The following TMPRSS15 variants were observed in gnomAD, a reference collection of about 807,000 sequenced individuals.
TMPRSS15 encodes the protein enteropeptidase.
Under a neutral mutation model 125.3 loss-of-function variants are expected in TMPRSS15, and 128 were observed. The ratio of observed to expected loss-of-function variants is 1.02; its 90% CI spans 0.89 to 1.18. The LOEUF (loss-of-function observed/expected upper bound fraction) is 1.18. Ranked by LOEUF, TMPRSS15 falls within the 50% of genes most tolerant of loss-of-function variation. The pLI, the probability that TMPRSS15 is intolerant of heterozygous loss-of-function variation, is 0.00. For missense variants in TMPRSS15, 1,283 were observed against 1,212.7 expected (o/e 1.06, Z -0.86); for synonymous variants, 446 against 423.2 (o/e 1.05, Z -0.66).
intron 24 of TMPRSS15, 34 bp downstream of exon 24, chr21:18,275,163 T>C (rs2074604314): frequency 6.2e-7 from 1 of 1,611,826 alleles, no homozygotes; most frequent in African/African-American, 1.3e-5. Context: ...CAGTGCTTTC[T>C]GAAAAGGTAC....
chr21:18,356,446 G>T (rs2075625877), intron 8 of TMPRSS15, among the ~76,000 whole-genome samples: 1 of 151,702 alleles, frequency 6.6e-6, no homozygotes, highest in Non-Finnish European at 1.5e-5. Context: ...ACATAGAAAA[G>T]AAGTAACCAG....
Position 18,302,636 on chromosome 21 carries a change from T to C in TMPRSS15, c.2166-4807A>G, listed in dbSNP as rs185007669. Among the ~76,000 whole-genome samples the C allele has an allele frequency of 3.2e-3, 491 of 152,314 alleles. 5 individuals are homozygous for C. The highest frequency in any genetic ancestry group is 0.011 in the African/African-American group (461 of 41,556). ...AACAATTATCTTAACCTAATCAATT[T>C]CTACTTTTGTGCAAGCTACTGTATT... is the stretch of plus-strand genomic sequence containing the variant. On this transcript the variant is annotated intron_variant, in intron 18 of 24. Transcript: ENST00000284885.
At chr21:18,411,627 C>T (rs918011280) in intron 1 of TMPRSS15, among the ~76,000 whole-genome samples, 1 of 152,004 alleles carries the variant, frequency 6.6e-6, no homozygotes, top group Non-Finnish European at 1.5e-5. Context: ...CCTTTTTATC[C>T]TCCTCTTGTC....
intron 1 of TMPRSS15, among the ~76,000 whole-genome samples, chr21:18,420,171 A>G (rs891349984): frequency 4.6e-5 from 7 of 152,196 alleles, no homozygotes; most frequent in African/African-American, 1.4e-4. Context: ...TGTTACCTGA[A>G]ATGGTTATTG....
At chr21:18,340,598 T>A (rs888191410) in intron 13 of TMPRSS15, among the ~76,000 whole-genome samples, 2 of 152,148 alleles carry the variant, frequency 1.3e-5, no homozygotes, top group African/African-American at 4.8e-5. Flanking sequence ...CCGCCACTAT[T>A]TAGGACAAAA....
chr21:18,282,018 AAC>A (rs1053870682), intron 21 of TMPRSS15, among the ~76,000 whole-genome samples: 4 of 148,910 alleles, frequency 2.7e-5, no homozygotes, highest in African/African-American at 1.0e-4. Context: ...GAATGGCGTG[AAC>A]CCGGGGGGCG....
intron 1 of TMPRSS15, among the ~76,000 whole-genome samples, chr21:18,426,583 C>G (rs550889899): frequency 5.8e-4 from 89 of 152,254 alleles, no homozygotes; most frequent in Non-Finnish European, 1.1e-3. Flanking sequence ...CATGCAAACC[C>G]TCTTTTTGGT....
chr21:18,467,093 G>A (rs184651017), intron 1 of TMPRSS15, among the ~76,000 whole-genome samples: 1,530 of 152,214 alleles, frequency 0.01, 7 homozygotes, highest in Non-Finnish European at 0.015. Context: ...AAAAGGATGC[G>A]TTCATGTCCT....
chr21:18,281,085 TG>T lies in TMPRSS15; in HGVS notation c.2622del (p.Asp874GlufsTer6), dbSNP rs762814778. The T allele has an allele frequency of 6.2e-7, 1 of 1,613,992 alleles. No individual in the cohort carries two copies. Among genetic ancestry groups the T allele is most frequent in the Non-Finnish European group, 8.5e-7 (1 of 1,180,014 alleles). Reference sequence around the variant, plus strand: ...TCCAGATGCATCATGGCAATGTCGTTGTCCTTTCTTCGCCTATTGTAATGAG... The same window carrying T: ...TCCAGATGCATCATGGCAATGTCGTTTCCTTTCTTCGCCTATTGTAATGAG... Reference protein sequence around the residue: ...INPHYNRRRKDNDIAMMHLEF... With the variant: ...INPHYNRRRKXNDIAMMHLEF... On this transcript the variant is annotated frameshift_variant, in exon 22 of 25. Coordinates refer to ENST00000284885, the MANE Select transcript of TMPRSS15 (RefSeq NM_002772.3). LOFTEE classifies it high-confidence loss of function.
At chr21:18,354,806 A>G (rs1243608741) in intron 8 of TMPRSS15, among the ~76,000 whole-genome samples, 1 of 151,850 alleles carries the variant, frequency 6.6e-6, no homozygotes, top group Non-Finnish European at 1.5e-5. Flanking sequence ...TGACAATCTG[A>G]GCATGGCATT....
At chr21:18,314,669 T>C (rs759069367) in intron 17 of TMPRSS15, among the ~76,000 whole-genome samples, 13 of 152,090 alleles carry the variant, frequency 8.5e-5, no homozygotes, top group Non-Finnish European at 1.9e-4. Flanking sequence ...TGCTTAGAAA[T>C]AAAAAGACAT....
intron 1 of TMPRSS15, among the ~76,000 whole-genome samples, chr21:18,457,430 G>A (rs1359057203): frequency 6.6e-6 from 1 of 152,016 alleles, no homozygotes; most frequent in African/African-American, 2.4e-5. Flanking sequence ...AACTTATTAC[G>A]TTGGAATGGG....
intron 7 of TMPRSS15, 45 bp downstream of exon 7, chr21:18,365,095 A>G (rs1430036423): frequency 1.3e-6 from 2 of 1,526,950 alleles, no homozygotes; most frequent in African/African-American, 1.4e-5. Flanking sequence ...GCATCAGAAA[A>G]ACGCTTTATG....
chr21:18,373,479 A>T (rs1802664132), intron 5 of TMPRSS15, among the ~76,000 whole-genome samples: 1 of 152,162 alleles, frequency 6.6e-6, no homozygotes, highest in African/African-American at 2.4e-5. Flanking sequence ...AATAAACTCA[A>T]ATGCATATAT....
At chr21:18,429,822 G>A (rs1330234960) in intron 1 of TMPRSS15, among the ~76,000 whole-genome samples, 5 of 152,136 alleles carry the variant, frequency 3.3e-5, no homozygotes, top group African/African-American at 1.2e-4. Flanking sequence ...TACTATACTT[G>A]CAGCTTTGCC....
intron 3 of TMPRSS15, 108 bp from the exon 4 acceptor site, chr21:18,383,886 A>T: frequency 7.8e-7 from 1 of 1,290,242 alleles, no homozygotes; most frequent in Non-Finnish European, 1.1e-6. Context: ...TCATCTTGCT[A>T]ATTCTCATTA....
intron 10 of TMPRSS15, among the ~76,000 whole-genome samples, chr21:18,350,955 TTAAAG>T (rs1197738280): frequency 1.1e-4 from 16 of 152,202 alleles, no homozygotes; most frequent in Admixed American, 7.9e-4. Flanking sequence ...CTGAAATATA[TTAAAG>T]TAGTCACTTT....
chr21:18,410,973 T>C (rs770937541), intron 1 of TMPRSS15, among the ~76,000 whole-genome samples: 3 of 152,300 alleles, frequency 2.0e-5, no homozygotes, highest in South Asian at 2.1e-4. Context: ...AGTTATTTTA[T>C]CTACACTATT....
chr21:18,332,315 G>T, intron 13 of TMPRSS15, 142 bp from the exon 14 acceptor site: 1 of 732,910 alleles, frequency 1.4e-6, no homozygotes, highest in Non-Finnish European at 2.4e-6. Flanking sequence ...TAGGGTAAAT[G>T]CTGCAGTTTA....
Sources: gnomAD v4.1 joint callset for allele counts (sites outside exome capture counted in the v4.1 genomes callset) on GRCh38, gnomAD v4.1.1 for gene constraint, MANE v1.5 for transcripts, NCBI Gene and HGNC (gene_info 2026-07-23, HGNC 2026-07-21) for gene names.